The following NCKAP1 variants were observed in gnomAD, a reference collection of about 807,000 sequenced individuals.
The protein encoded by NCKAP1 is nck-associated protein 1.
In NCKAP1, 21 loss-of-function variants were observed where a neutral mutation model predicts 151.2. That is an observed-to-expected ratio of 0.14 (90% CI 0.10 to 0.20). NCKAP1 has a LOEUF of 0.20. NCKAP1 is among the 10% of genes least tolerant of loss of function. NCKAP1 has a pLI of 1.00. For missense variants in NCKAP1, 933 were observed against 1,352.1 expected, an observed-to-expected ratio of 0.69 and a Z score of 4.86; for synonymous variants, 484 against 451.8, an observed-to-expected ratio of 1.07 and a Z score of -0.90.
At chr2:183,003,149 T>C in intron 3 of NCKAP1, 84 bp downstream of exon 3, 1 of 1,251,364 alleles carries the variant, frequency 8.0e-7, no homozygotes, top group Non-Finnish European at 1.1e-6. Context: ...TTTTATTATT[T>C]ACAACTGACA....
rs984252600 is a variant in NCKAP1 at position 182,984,423 on chromosome 2, G to GGGTGTGTGTGTGTGTGTGTGTGT, written c.1005-1042_1005-1041insACACACACACACACACACACACC. Among the ~76,000 whole-genome samples the GGGTGTGTGTGTGTGTGTGTGTGT allele has an allele frequency of 4.9e-3, 711 of 144,384 alleles. 8 individuals are homozygous for GGGTGTGTGTGTGTGTGTGTGTGT. The highest frequency in any genetic ancestry group is 9.1e-3 in the Admixed American group (131 of 14,406). 94.7% of individuals were successfully genotyped at this position (144,384 alleles called of 152,430 possible). On this transcript the variant is annotated intron_variant, in intron 10 of 30. Coordinates refer to ENST00000361354, the MANE Select transcript of NCKAP1 (RefSeq NM_013436.5). ...AAGAAAGTTTTAGAATTTAGATTGG[G>GGGTGTGTGTGTGTGTGTGTGTGT]GTGTGTGTGTGTGTGTGTGTGTGTG...
rs144264718 is a variant in NCKAP1 at position 182,916,420 on chromosome 2, A to G, written c.*9282T>C. The G allele has an allele frequency of 2.6e-5, 4 of 152,314 alleles. No individual in the cohort carries two copies. Among genetic ancestry groups the G allele is most frequent in the Non-Finnish European group, 4.4e-5 (3 of 68,034 alleles). The allele number at this position is 152,314 out of a possible 1,614,324, so 9.4% of individuals were successfully genotyped here. ...TTACACAGGGTAGGAAATTTGACTA[A>G]ACAGACAGAAAGATGAAATAAACCT... is the stretch of plus-strand genomic sequence containing the variant. On this transcript the variant is annotated 3_prime_UTR_variant, in exon 31 of 31. Transcript: ENST00000361354.
At chr2:182,941,538 C>T (rs191865966) in intron 24 of NCKAP1, among the ~76,000 whole-genome samples, 1 of 152,254 alleles carries the variant, frequency 6.6e-6, no homozygotes, top group Admixed American at 6.5e-5. Context: ...GTTGTTTGGC[C>T]TGGGGCCAGA....
chr2:182,968,771 G>A (rs1247345070), intron 15 of NCKAP1, among the ~76,000 whole-genome samples: 2 of 152,162 alleles, frequency 1.3e-5, no homozygotes, highest in Admixed American at 1.3e-4. Context: ...TGACCCAGGA[G>A]CTCCATATCT....
chr2:182,983,185 T>TTA, intron 11 of NCKAP1, 101 bp downstream of exon 11: 1 of 935,818 alleles, frequency 1.1e-6, no homozygotes, highest in Non-Finnish European at 1.6e-6. Context: ...AAAAATCCTT[T>TTA]TATGTAGTCC....
rs1013283785 is a variant in NCKAP1, at chr2:182,916,839, C to T, written c.*8863G>A. 2 of 152,108 alleles carry T rather than the reference C, an allele frequency of 1.3e-5. No homozygotes were observed. Among genetic ancestry groups the T allele is most frequent in the Non-Finnish European group, 2.9e-5 (2 of 68,022 alleles). The allele number at this position is 152,108 out of a possible 1,614,324, so 9.4% of individuals were successfully genotyped here. ...GCAGTCTTAAAATTAATTTTAGCAT[C>T]GTTTTCTGTTAAAGTTACATGACAG... is the stretch of plus-strand genomic sequence containing the variant. On this transcript the variant is annotated 3_prime_UTR_variant, in exon 31 of 31. Transcript: ENST00000361354.
At chr2:183,034,587 T>C (rs1699067515) in intron 1 of NCKAP1, among the ~76,000 whole-genome samples, 1 of 152,174 alleles carries the variant, frequency 6.6e-6, no homozygotes, top group Non-Finnish European at 1.5e-5. Flanking sequence ...TTTCTTTGGG[T>C]ATTTGGCAGT....
At position 182,922,310 on chromosome 2, in the gene NCKAP1, A is replaced by C. The variant is rs1222734680; in HGVS notation, c.*3392T>G. On this transcript the variant is annotated 3_prime_UTR_variant, in exon 31 of 31. Transcript: ENST00000361354. Reference sequence around the variant, plus strand: ...GACTTTACATTTTCACATTAATGCAAGAGCCTATCAGTGAATTCATGTTCA... The same window carrying C: ...GACTTTACATTTTCACATTAATGCACGAGCCTATCAGTGAATTCATGTTCA... The C allele has an allele frequency of 6.6e-6, 1 of 152,242 alleles. No homozygotes were observed. The highest frequency in any genetic ancestry group is 1.9e-4 in the East Asian group (1 of 5,200). 9.4% of individuals were successfully genotyped at this position (152,242 alleles called of 1,614,324 possible).
chr2:182,914,056 C>A lies in NCKAP1; in HGVS notation c.*11646G>T, dbSNP rs1375884382. 6.6e-6 allele frequency: 1 copy of A among 152,190 alleles called. No homozygotes were observed. The highest frequency in any genetic ancestry group is 1.5e-5 in the Non-Finnish European group (1 of 68,032). The allele number at this position is 152,190 out of a possible 1,614,324, so 9.4% of individuals were successfully genotyped here. A position where few individuals can be genotyped will look rare whatever the true frequency, so the allele number is the denominator to read the frequency against. On this transcript the variant is annotated 3_prime_UTR_variant, in exon 31 of 31. Coordinates refer to ENST00000361354, the MANE Select transcript of NCKAP1 (RefSeq NM_013436.5). ...TCTTCCCTCATTTAATCAGTTGTAG[C>A]CAGGGAGAAGTCACATATTGGTATC...
intron 23 of NCKAP1, among the ~76,000 whole-genome samples, chr2:182,945,897 T>C (rs1697093752): frequency 6.6e-6 from 1 of 152,018 alleles, no homozygotes; most frequent in South Asian, 2.1e-4. Flanking sequence ...CAAAAAGACA[T>C]GGAATCAACC....
chr2:182,982,254 A>G (rs1004924550), intron 12 of NCKAP1, among the ~76,000 whole-genome samples: 1 of 152,200 alleles, frequency 6.6e-6, no homozygotes, highest in African/African-American at 2.4e-5. Context: ...AAAAGCCCTA[A>G]TTTAAAACTA....
At chr2:182,966,981 A>G (rs965372137) in intron 16 of NCKAP1, among the ~76,000 whole-genome samples, 12 of 152,212 alleles carry the variant, frequency 7.9e-5, no homozygotes, top group African/African-American at 2.9e-4. Flanking sequence ...AAAATGTAAG[A>G]AATAAAAGTC....
chr2:183,001,389 T>C (rs1479833234), intron 6 of NCKAP1, among the ~76,000 whole-genome samples: 1 of 152,174 alleles, frequency 6.6e-6, no homozygotes, highest in Non-Finnish European at 1.5e-5. Flanking sequence ...CCAAACTTAT[T>C]TCATTAAGAA....
intron 12 of NCKAP1, among the ~76,000 whole-genome samples, chr2:182,982,182 A>G (rs1055076653): frequency 6.6e-6 from 1 of 152,128 alleles, no homozygotes; most frequent in African/African-American, 2.4e-5. Context: ...TCCATAAGAA[A>G]TATTACTGAG....
At chr2:183,017,928 T>C (rs1698724600) in intron 2 of NCKAP1, among the ~76,000 whole-genome samples, 1 of 152,144 alleles carries the variant, frequency 6.6e-6, no homozygotes, top group Non-Finnish European at 1.5e-5. Flanking sequence ...TCCTTGAGAT[T>C]GGTATTATCA....
In NCKAP1 at chr2:183,021,452, A is replaced by T. The variant is rs189787768; in HGVS notation, c.219+2354T>A. ...ACATCTGGATAAAAAATTAAAAAAA[A>T]TTTTTAAAAATAGCTGAGCATGGTG... is the stretch of plus-strand genomic sequence containing the variant. On this transcript the variant is annotated intron_variant, in intron 2 of 30. Transcript: ENST00000361354. 9.2e-3 allele frequency among the ~76,000 whole-genome samples: 1,396 copies of T among 152,212 alleles called. 16 individuals carry two copies. The highest frequency in any genetic ancestry group is 0.019 in the African/African-American group (783 of 41,524).
chr2:182,959,355 A>G (rs986184512), intron 18 of NCKAP1, among the ~76,000 whole-genome samples: 3 of 151,924 alleles, frequency 2.0e-5, no homozygotes, highest in South Asian at 2.1e-4. Context: ...GTCACACCAG[A>G]TAACAAGAAA....
At chr2:183,024,664 T>C (rs1020459685) in intron 1 of NCKAP1, among the ~76,000 whole-genome samples, 34 of 152,340 alleles carry the variant, frequency 2.2e-4, no homozygotes, top group Non-Finnish European at 3.1e-4. Context: ...CAATACAGAA[T>C]ATAATCTTGA....
In NCKAP1 at chr2:182,962,244, C is replaced by A; in HGVS notation, c.1796G>T (p.Cys599Phe). ...HHIGDRSLSL[C>F]NMFLDEMAKQ... The stretch of plus-strand genomic sequence containing the variant: ...GGCCATTTCATCTAGGAACATATTA[C>A]ATAAGGAAAGACTGCGATCTCCAAT... The change falls in exon 18 of 31, where the codon TGT (cysteine) becomes TTT (phenylalanine). Residue 599 changes from cysteine to phenylalanine, a missense_variant. Physicochemically the swap from Cys to Phe is radical, Grantham distance 205. Around this residue, in one of 2 missense-constraint regions of NCKAP1, gnomAD observed 607 missense variants for 795.0 expected, o/e 0.76. Transcript: ENST00000361354. 1 of 1,610,404 alleles carries A rather than the reference C, an allele frequency of 6.2e-7. No individual in the cohort carries two copies.
Sources: gnomAD v4.1 joint callset for allele counts (sites outside exome capture counted in the v4.1 genomes callset) on GRCh38, gnomAD v4.1.1 for gene constraint, gnomAD v4.1.1 regional missense constraint, MANE v1.5 for transcripts, NCBI Gene and HGNC (gene_info 2026-07-23, HGNC 2026-07-21) for gene names.